The following BRSK2 variants were observed in gnomAD, a reference collection of about 807,000 sequenced individuals.
The protein encoded by BRSK2 is serine/threonine-protein kinase BRSK2.
BRSK2 carries 19 observed loss-of-function variants against 83.3 expected under a neutral mutation model. That is an observed-to-expected ratio of 0.23 (90% CI 0.16 to 0.33). BRSK2 has a LOEUF of 0.33. Ranked by LOEUF, BRSK2 falls within the 10% of genes least tolerant of loss-of-function variation. BRSK2 has a pLI of 1.00. For missense variants in BRSK2, 798 were observed against 1,042.3 expected, an observed-to-expected ratio of 0.77 and a Z score of 3.23; for synonymous variants, 519 against 435.4, an observed-to-expected ratio of 1.19 and a Z score of -2.39.
intron 1 of BRSK2, among the ~76,000 whole-genome samples, chr11:1,396,140 G>A (rs571542988): frequency 1.8e-4 from 28 of 151,498 alleles, no homozygotes; most frequent in South Asian, 6.3e-4. Flanking sequence ...TAAGGTTGTC[G>A]CTGTGCCAGG....
At chr11:1,392,283 G>A (rs958624567) in intron 1 of BRSK2, among the ~76,000 whole-genome samples, 12 of 152,228 alleles carry the variant, frequency 7.9e-5, no homozygotes, top group Non-Finnish European at 1.5e-4. Context: ...GAGAACGGGA[G>A]GCTGGGCTTC....
chr11:1,395,996 G>A (rs1846058920), intron 1 of BRSK2, among the ~76,000 whole-genome samples: 1 of 152,196 alleles, frequency 6.6e-6, no homozygotes, highest in Admixed American at 6.5e-5. Context: ...TCTCACGCAG[G>A]CCCAGCTGGA....
intron 12 of BRSK2, among the ~76,000 whole-genome samples, chr11:1,446,870 C>A (rs1188367540): frequency 6.6e-6 from 1 of 152,184 alleles, no homozygotes; most frequent in Non-Finnish European, 1.5e-5. Flanking sequence ...GCCTCAGCAC[C>A]CCAGGGCCCC....
intron 18 of BRSK2, among the ~76,000 whole-genome samples, chr11:1,457,408 A>ACG (rs1846731959): frequency 6.6e-6 from 1 of 151,944 alleles, no homozygotes; most frequent in African/African-American, 2.4e-5. Context: ...ATGGGCTCAC[A>ACG]CAGGGGAGGG....
intron 3 of BRSK2, among the ~76,000 whole-genome samples, chr11:1,439,484 T>C (rs145617240): frequency 0.025 from 3,544 of 140,318 alleles, 55 homozygotes; most frequent in Non-Finnish European, 0.034. Context: ...TTCCTCATGG[T>C]GACACGGTGC....
At chr11:1,425,338 T>G (rs1403727964) in intron 1 of BRSK2, among the ~76,000 whole-genome samples, 1 of 152,070 alleles carries the variant, frequency 6.6e-6, no homozygotes, top group Non-Finnish European at 1.5e-5. Flanking sequence ...GGGCCTCGGG[T>G]CCTCAGCACG....
intron 1 of BRSK2, among the ~76,000 whole-genome samples, chr11:1,433,714 T>G (rs1418662743): frequency 1.3e-5 from 2 of 152,236 alleles, no homozygotes; most frequent in Non-Finnish European, 2.9e-5. Context: ...CTCTAGGCCC[T>G]CCTGAGTGCT....
chr11:1,404,904 G>A (rs1348501461), intron 1 of BRSK2, among the ~76,000 whole-genome samples: 3 of 152,034 alleles, frequency 2.0e-5, no homozygotes, highest in Non-Finnish European at 2.9e-5. Flanking sequence ...AGGGCCCTGC[G>A]TGGAGTCCCT....
chr11:1,454,307 TGGGCTA>T lies in BRSK2; in HGVS notation c.1545-174_1545-169del. 5 of 685,828 alleles carry T rather than the reference TGGGCTA, an allele frequency of 7.3e-6. No individual in the cohort carries two copies. In the Admixed American group the frequency reaches 9.6e-5, roughly 13 times the overall value. 42.5% of individuals were successfully genotyped at this position (685,828 alleles called of 1,614,324 possible). ...GAGCCACGGTGATGGTCAGGGCATA[TGGGCTA>T]GGGTTAGGGCGTTGGGGTCAGGGCC... On this transcript the variant is annotated intron_variant, in intron 15 of 19. Coordinates refer to ENST00000528841, the MANE Select transcript of BRSK2 (RefSeq NM_001256627.2). The surrounding 1 kb of genome is among the most constrained non-coding windows in gnomAD (Gnocchi z 5.2).
intron 1 of BRSK2, among the ~76,000 whole-genome samples, chr11:1,414,683 G>A (rs558015127): frequency 2.0e-4 from 31 of 152,298 alleles, no homozygotes; most frequent in African/African-American, 7.0e-4. Context: ...GTGCTACGCG[G>A]CCACCACTGT....
At chr11:1,459,140 C>T in intron 18 of BRSK2, 52 bp from the exon 19 acceptor site, 1 of 1,592,718 alleles carries the variant, frequency 6.3e-7, no homozygotes. Context: ...CCAGAAGGCC[C>T]AGGACAGCCT....
At chr11:1,440,956 C>T in intron 4 of BRSK2, 28 bp downstream of exon 4, 4 of 1,593,368 alleles carry the variant, frequency 2.5e-6, no homozygotes, top group East Asian at 2.2e-5. Context: ...GTGCCCCCCA[C>T]TCCCCAGGGA....
intron 1 of BRSK2, among the ~76,000 whole-genome samples, chr11:1,411,984 G>A (rs570015450): frequency 4.6e-5 from 7 of 151,282 alleles, no homozygotes; most frequent in East Asian, 3.9e-4. Context: ...TCTCAGCTGC[G>A]CCGCCCCGTC....
At chr11:1,459,322 C>T (rs1334202604) in intron 19 of BRSK2, 83 bp downstream of exon 19, 9 of 1,484,602 alleles carry the variant, frequency 6.1e-6, no homozygotes, top group African/African-American at 1.4e-5. Flanking sequence ...CCACCTGCCG[C>T]CCGGGTTGTC....
intron 1 of BRSK2, among the ~76,000 whole-genome samples, chr11:1,413,220 C>T (rs1358912653): frequency 2.0e-5 from 3 of 152,100 alleles, no homozygotes; most frequent in African/African-American, 7.2e-5. Context: ...CAGACGGCCC[C>T]TGGGGACGGC....
chr11:1,423,503 C>T lies in BRSK2; in HGVS notation c.92-12537C>T, dbSNP rs1042680799. Among the ~76,000 whole-genome samples, 8 of 152,068 alleles carry T rather than the reference C, an allele frequency of 5.3e-5. No individual in the cohort carries two copies. In the South Asian group the frequency reaches 6.2e-4, roughly 12 times the overall value. ...CTTAGGAGGTTCATGATGAAGGATG[C>T]GGCCCACAGTCGTGTGAGCAGAGGA... On this transcript the variant is annotated intron_variant, in intron 1 of 19. Transcript: ENST00000528841. The surrounding 1 kb of genome is among the most constrained non-coding windows in gnomAD (Gnocchi z 6.5).
intron 18 of BRSK2, chr11:1,457,075 C>G: frequency 6.5e-7 from 1 of 1,535,054 alleles, no homozygotes; most frequent in Non-Finnish European, 8.7e-7. Flanking sequence ...TGTGCTGGGG[C>G]GGGGAGGGGC....
intron 5 of BRSK2, 131 bp from the exon 6 acceptor site, chr11:1,442,975 C>G: frequency 9.3e-7 from 1 of 1,080,868 alleles, no homozygotes; most frequent in Non-Finnish European, 1.3e-6. Context: ...CCTGGGGATG[C>G]AGGGAATGTG....
intron 9 of BRSK2, 107 bp from the exon 10 acceptor site, chr11:1,445,187 G>C: frequency 6.7e-7 from 1 of 1,497,124 alleles, no homozygotes; most frequent in Non-Finnish European, 9.1e-7. Flanking sequence ...CTGGGCACAG[G>C]GAGAGTGGCA....
Sources: allele counts gnomAD v4.1 joint callset (sites outside exome capture counted in the v4.1 genomes callset), GRCh38; gene constraint gnomAD v4.1.1; non-coding constraint Gnocchi (gnomAD v3.1); transcripts MANE v1.5; gene names NCBI Gene and HGNC (gene_info 2026-07-23, HGNC 2026-07-21).